PCDHGB1: variants seen among roughly 807,000 people sequenced by gnomAD.
PCDHGB1 encodes protocadherin gamma-B1.
PCDHGB1 carries 34 observed loss-of-function variants against 56.6 expected under a neutral mutation model. That is an observed-to-expected ratio of 0.60 (90% CI 0.46 to 0.80). The LOEUF (loss-of-function observed/expected upper bound fraction) is 0.80, where lower values mean the gene tolerates loss of function less well. Ranked by LOEUF, PCDHGB1 falls within the 30% of genes least tolerant of loss-of-function variation. The pLI is 0.00. For missense variants in PCDHGB1, 1,278 were observed against 1,204.6 expected, an observed-to-expected ratio of 1.06 and a Z score of -0.90; for synonymous variants, 561 against 505.9, an observed-to-expected ratio of 1.11 and a Z score of -1.46.
Position 141,413,878 on chromosome 5 carries a change from A to G in PCDHGB1, c.2409+61209A>G, listed in dbSNP as rs752517949. ...ATCTGGCACTGTCCTTGTCAGTGTGACTGTCTTCGATGCAAATGACAACGC... is the reference window on the plus strand; with the variant it reads ...ATCTGGCACTGTCCTTGTCAGTGTGGCTGTCTTCGATGCAAATGACAACGC... On this transcript the variant is annotated intron_variant, in intron 1 of 3. Coordinates refer to ENST00000523390, the MANE Select transcript of PCDHGB1 (RefSeq NM_018922.3). 2.5e-6 allele frequency: 4 copies of G among 1,613,272 alleles called. No individual in the cohort carries two copies. The South Asian group carries it at 3.3e-5, about 13-fold the overall frequency.
At chr5:141,376,677 T>TG in intron 1 of PCDHGB1, 1 of 105,326 alleles carries the variant, frequency 9.5e-6, no homozygotes, top group Non-Finnish European at 1.5e-5. Context: ...GAGGGTATCG[T>TG]TTTTTTTTTT....
In PCDHGB1 at chr5:141,491,341, G is replaced by C. The variant is rs775712620; in HGVS notation, c.2410-3466G>C. ...TTACCTCATTGTGGCTCTAGCGACC[G>C]TCAGTCTCTTATCCCTAGTCACCTT... On this transcript the variant is annotated intron_variant, in intron 1 of 3. Transcript: ENST00000523390. This position sits in a 1 kb window ranked among gnomAD's most constrained non-coding sequence, Gnocchi z 6.9. 10 of 1,614,100 alleles carry C rather than the reference G, an allele frequency of 6.2e-6. No homozygotes were observed. In the East Asian group the frequency reaches 8.9e-5, roughly 14 times the overall value.
rs1191643556 is a variant in PCDHGB1, at chr5:141,486,302, C to T, written c.2410-8505C>T. The T allele has an allele frequency of 2.5e-6, 4 of 1,613,918 alleles. No individual in the cohort carries two copies. The highest frequency in any genetic ancestry group is 3.4e-6 in the Non-Finnish European group (4 of 1,180,002). Reference sequence around the variant, plus strand: ...GGTGGCACTTATCAGTGTGCAGGATCCAGACTCAGGGTCAAACGGAGATGT... The same window carrying T: ...GGTGGCACTTATCAGTGTGCAGGATTCAGACTCAGGGTCAAACGGAGATGT... On this transcript the variant is annotated intron_variant, in intron 1 of 3. Coordinates refer to ENST00000523390, the MANE Select transcript of PCDHGB1 (RefSeq NM_018922.3). This position sits in a 1 kb window ranked among gnomAD's most constrained non-coding sequence, Gnocchi z 5.0.
chr5:141,415,461 T>C, intron 1 of PCDHGB1: 5 of 1,614,180 alleles, frequency 3.1e-6, no homozygotes, highest in Non-Finnish European at 4.2e-6. Context: ...ACGAGGTCTC[T>C]CTCACCGCGG....
At chr5:141,390,919 A>C (rs1254063856) in intron 1 of PCDHGB1, 1 of 152,550 alleles carries the variant, frequency 6.6e-6, no homozygotes, top group Non-Finnish European at 1.5e-5. Flanking sequence ...AAAAAGGTCT[A>C]CTATGCTCAT....
chr5:141,399,460 G>C (rs1465606526), intron 1 of PCDHGB1: 1 of 1,613,962 alleles, frequency 6.2e-7, no homozygotes, highest in Admixed American at 1.7e-5. Context: ...CAACGATAAC[G>C]CTCCGGTTTT....
Position 141,351,300 on chromosome 5 carries a change from C to T in PCDHGB1, c.1040C>T (p.Ser347Phe). ...NDNAPEVTFM[S>F]FSNQIPEDSD... ...AATGCCCCAGAGGTGACATTCATGT[C>T]CTTCTCTAACCAGATTCCAGAGGAT... Residue 347 changes from serine (S) to phenylalanine (F), a missense_variant, in exon 1 of 4, where the codon TCC becomes TTC. Ser to Phe is a radical substitution (Grantham distance 155). Transcript: ENST00000523390. The T allele has an allele frequency of 6.2e-7, 1 of 1,613,856 alleles. No homozygotes were observed. The highest frequency in any genetic ancestry group is 1.1e-5 in the South Asian group (1 of 91,074).
intron 1 of PCDHGB1, among the ~76,000 whole-genome samples, chr5:141,381,826 C>CTTCT (rs1777532522): frequency 2.0e-4 from 15 of 74,296 alleles, no homozygotes; most frequent in South Asian, 5.2e-4. Context: ...CTTTCTTCTT[C>CTTCT]TTTTTTTTTT....
rs2099668037 is a variant in PCDHGB1 at position 141,487,853 on chromosome 5, T to C, written c.2410-6954T>C. The C allele has an allele frequency of 1.0e-6, 1 of 984,708 alleles. No individual in the cohort carries two copies. The allele number at this position is 984,708 out of a possible 1,614,324, so 61.0% of individuals were successfully genotyped here. The stretch of plus-strand genomic sequence containing the variant: ...CCTATATCTGAGTAAGAAATGAAAG[T>C]AATTGGTGATCAAGAGCCAGGCTGT... On this transcript the variant is annotated intron_variant, in intron 1 of 3. Transcript: ENST00000523390. The surrounding 1 kb of genome is among the most constrained non-coding windows in gnomAD (Gnocchi z 5.0).
chr5:141,354,727 C>A (rs749697850), intron 1 of PCDHGB1, among the ~76,000 whole-genome samples: 19 of 151,968 alleles, frequency 1.3e-4, no homozygotes, highest in Non-Finnish European at 1.8e-4. Flanking sequence ...TGGGGATGAA[C>A]AATGTGAAAA....
At chr5:141,403,276 C>A in intron 1 of PCDHGB1, 2 of 1,613,844 alleles carry the variant, frequency 1.2e-6, no homozygotes, top group South Asian at 2.2e-5. Flanking sequence ...ACTTTAAAGT[C>A]CTGGTTGAAG....
intron 1 of PCDHGB1, chr5:141,382,820 A>T (rs1369130732): frequency 3.1e-6 from 4 of 1,304,848 alleles, no homozygotes; most frequent in Non-Finnish European, 4.2e-6. Context: ...CCTTCCTAAG[A>T]CAGAGGGGTC....
At chr5:141,468,194 G>A (rs959390749) in intron 1 of PCDHGB1, among the ~76,000 whole-genome samples, 21 of 151,716 alleles carry the variant, frequency 1.4e-4, no homozygotes, top group South Asian at 2.1e-4. Flanking sequence ...GCATGGTGGC[G>A]GGTGCCTGTA....
intron 1 of PCDHGB1, chr5:141,375,952 G>T (rs1032808913): frequency 1.2e-6 from 2 of 1,613,514 alleles, no homozygotes; most frequent in Non-Finnish European, 1.7e-6. Flanking sequence ...GCCTGCACAC[G>T]GGCGAGGTGC....
intron 1 of PCDHGB1, chr5:141,405,091 C>G (rs761186505): frequency 8.1e-6 from 13 of 1,613,814 alleles, no homozygotes; most frequent in Non-Finnish European, 1.1e-5. Flanking sequence ...CGCTGCTGGC[C>G]CTCAGGCTGA....
intron 1 of PCDHGB1, among the ~76,000 whole-genome samples, chr5:141,462,798 C>A (rs1458659959): frequency 6.6e-6 from 1 of 152,072 alleles, no homozygotes; most frequent in Non-Finnish European, 1.5e-5. Flanking sequence ...ATTTGCATGT[C>A]TAATAATGTT....
chr5:141,408,071 T>C, intron 1 of PCDHGB1: 4 of 1,384,774 alleles, frequency 2.9e-6, no homozygotes, highest in Non-Finnish European at 2.9e-6. Context: ...GCGCAGACCT[T>C]TCCCAGCACA....
At chr5:141,394,717 G>A (rs1403492553) in intron 1 of PCDHGB1, 1 of 1,613,320 alleles carries the variant, frequency 6.2e-7, no homozygotes, top group East Asian at 2.2e-5. Flanking sequence ...CTGCTGGACA[G>A]AGATGCGCTC....
chr5:141,427,052 C>T (rs79280874), intron 1 of PCDHGB1: 9,800 of 457,514 alleles, frequency 0.021, 162 homozygotes, highest in Middle Eastern at 0.051. Flanking sequence ...TGCCCCCAGG[C>T]ACCTCTGTAC....
Sources: allele counts gnomAD v4.1 joint callset (sites outside exome capture counted in the v4.1 genomes callset), GRCh38; gene constraint gnomAD v4.1.1; non-coding constraint Gnocchi (gnomAD v3.1); transcripts MANE v1.5; gene names NCBI Gene and HGNC (gene_info 2026-07-23, HGNC 2026-07-21).